The following GPC5 variants were observed in gnomAD, a reference collection of about 807,000 sequenced individuals.
GPC5 encodes glypican 5.
A neutral mutation model predicts 53.9 loss-of-function variants in GPC5; 47 were observed. That is an observed-to-expected ratio of 0.87 (90% CI 0.69 to 1.11). The LOEUF (loss-of-function observed/expected upper bound fraction) is 1.11, where lower values mean the gene tolerates loss of function less well. Ranked by LOEUF, GPC5 falls within the 50% of genes most tolerant of loss-of-function variation. The probability of loss-of-function intolerance (pLI) is 0.00; values close to 1 mark genes in which losing one functional copy is unlikely to be tolerated. For missense variants in GPC5, 748 were observed against 713.1 expected (o/e 1.05, Z -0.56); for synonymous variants, 286 against 263.3 (o/e 1.09, Z -0.84).
chr13:91,983,643 A>C (rs986169291), intron 6 of GPC5, among the ~76,000 whole-genome samples: 1 of 152,202 alleles, frequency 6.6e-6, no homozygotes, highest in Non-Finnish European at 1.5e-5. Context: ...GTCAAATTGC[A>C]GCATTTTCTA....
chr13:92,857,054 G>A (rs758748578), intron 7 of GPC5, among the ~76,000 whole-genome samples: 2 of 151,996 alleles, frequency 1.3e-5, no homozygotes, highest in African/African-American at 4.8e-5. Context: ...CTGGAAGCAT[G>A]ACATTGGCCA....
intron 7 of GPC5, among the ~76,000 whole-genome samples, chr13:92,341,028 T>A (rs34825397): frequency 0.091 from 13,806 of 152,178 alleles, 736 homozygotes; most frequent in Middle Eastern, 0.15. Flanking sequence ...TCATTTTTTT[T>A]AAAATTTGGT....
chr13:91,493,476 T>A (rs1884049988), intron 2 of GPC5, among the ~76,000 whole-genome samples: 1 of 152,078 alleles, frequency 6.6e-6, no homozygotes, highest in South Asian at 2.1e-4. Flanking sequence ...CCATTAACCA[T>A]CTCCATTTCT....
chr13:92,701,588 A>G (rs1028787736), intron 7 of GPC5: 9 of 152,136 alleles, frequency 5.9e-5, no homozygotes, highest in Admixed American at 5.2e-4. Flanking sequence ...ATCCAGCTGC[A>G]TATTGATATG....
At chr13:92,302,149 T>C (rs898452992) in intron 7 of GPC5, among the ~76,000 whole-genome samples, 16 of 152,212 alleles carry the variant, frequency 1.1e-4, no homozygotes, top group African/African-American at 1.9e-4. Flanking sequence ...TTCTATACTT[T>C]AGTCACCCAT....
At position 92,145,003 on chromosome 13, in the gene GPC5, T is replaced by A; in HGVS notation, c.1561+14T>A. 7.3e-7 allele frequency: 1 copy of A among 1,363,822 alleles called. No individual in the cohort carries two copies. The highest frequency in any genetic ancestry group is 9.5e-7 in the Non-Finnish European group (1 of 1,049,860). The allele number at this position is 1,363,822 out of a possible 1,614,324, so 84.5% of individuals were successfully genotyped here. The stretch of plus-strand genomic sequence containing the variant: ...AGATCACAGACTGTAAGTGTATGAT[T>A]CTAACACCACTTTTTTAAAACAATG... On this transcript the variant is annotated intron_variant, in intron 7 of 7. Transcript: ENST00000377067.
At chr13:91,453,199 A>G (rs927793589) in intron 2 of GPC5, among the ~76,000 whole-genome samples, 1 of 151,970 alleles carries the variant, frequency 6.6e-6, no homozygotes, top group Non-Finnish European at 1.5e-5. Flanking sequence ...TTATTAAAAA[A>G]TGATTGCTAT....
At chr13:91,400,351 A>G (rs1876842395) in intron 1 of GPC5, among the ~76,000 whole-genome samples, 2 of 152,186 alleles carry the variant, frequency 1.3e-5, no homozygotes, top group Non-Finnish European at 2.9e-5. Context: ...GCATTCGGGA[A>G]CACTGACTCC....
At chr13:92,190,619 C>G (rs934892591) in intron 7 of GPC5, among the ~76,000 whole-genome samples, 5 of 152,018 alleles carry the variant, frequency 3.3e-5, no homozygotes, top group African/African-American at 1.2e-4. Context: ...AATTGCACTG[C>G]TTGTGAAGTG....
At chr13:92,752,923 A>G (rs960681376) in intron 7 of GPC5, among the ~76,000 whole-genome samples, 22 of 152,168 alleles carry the variant, frequency 1.4e-4, no homozygotes, top group Non-Finnish European at 2.6e-4. Context: ...AGGGGCGCAT[A>G]CCATTGCCCA....
chr13:92,325,420 A>G (rs1432561619), intron 7 of GPC5, among the ~76,000 whole-genome samples: 2 of 151,988 alleles, frequency 1.3e-5, no homozygotes, highest in Non-Finnish European at 2.9e-5. Context: ...TATCCAACAT[A>G]CTCCCACAGT....
intron 7 of GPC5, among the ~76,000 whole-genome samples, chr13:92,573,595 T>C (rs1410532244): frequency 6.6e-6 from 1 of 152,168 alleles, no homozygotes; most frequent in Non-Finnish European, 1.5e-5. Flanking sequence ...GAGTACATTG[T>C]TAAAATTTCT....
At chr13:92,753,879 G>A (rs1874712116) in intron 7 of GPC5, among the ~76,000 whole-genome samples, 2 of 152,300 alleles carry the variant, frequency 1.3e-5, no homozygotes, top group South Asian at 4.1e-4. Flanking sequence ...GTGACAGGGA[G>A]AATGGAACCA....
At chr13:92,310,809 C>A (rs1387441652) in intron 7 of GPC5, among the ~76,000 whole-genome samples, 1 of 152,218 alleles carries the variant, frequency 6.6e-6, no homozygotes, top group Non-Finnish European at 1.5e-5. Context: ...ACTCGGTAAA[C>A]AAATAGTAAC....
At chr13:91,820,363 T>A (rs1453548616) in intron 5 of GPC5, among the ~76,000 whole-genome samples, 1 of 152,172 alleles carries the variant, frequency 6.6e-6, no homozygotes, top group African/African-American at 2.4e-5. Context: ...GGCATGTTTT[T>A]CAACAAAGAT....
At chr13:92,832,759 G>A (rs535216232) in intron 7 of GPC5, among the ~76,000 whole-genome samples, 13 of 152,206 alleles carry the variant, frequency 8.5e-5, no homozygotes, top group African/African-American at 1.7e-4. Flanking sequence ...TGTAGTCCCC[G>A]CACTTTGGGA....
intron 7 of GPC5, among the ~76,000 whole-genome samples, chr13:92,337,742 G>C (rs2043334910): frequency 6.6e-6 from 1 of 152,090 alleles, no homozygotes; most frequent in South Asian, 2.1e-4. Flanking sequence ...TGGAACGACT[G>C]GATTTACATG....
At chr13:92,239,530 C>T (rs952898589) in intron 7 of GPC5, among the ~76,000 whole-genome samples, 4 of 151,806 alleles carry the variant, frequency 2.6e-5, no homozygotes, top group African/African-American at 4.8e-5. Context: ...ACCTTCTTTG[C>T]GTATATTATT....
chr13:91,415,795 A>G (rs1334802066), intron 1 of GPC5, among the ~76,000 whole-genome samples: 1 of 152,020 alleles, frequency 6.6e-6, no homozygotes, highest in Non-Finnish European at 1.5e-5. Context: ...TATTTAACCA[A>G]ATGTAAAGAT....
Sources: allele counts gnomAD v4.1 joint callset (sites outside exome capture counted in the v4.1 genomes callset), GRCh38; gene constraint gnomAD v4.1.1; transcripts MANE v1.5; gene names NCBI Gene and HGNC (gene_info 2026-07-23, HGNC 2026-07-21).